Variants in IPCEF1 observed in about 807,000 individuals in gnomAD.
IPCEF1 encodes interactor protein for cytohesin exchange factors 1.
In IPCEF1, 31 loss-of-function variants were observed where a neutral mutation model predicts 50.9. That is an observed-to-expected ratio of 0.61 (90% confidence interval 0.46 to 0.82). The LOEUF (loss-of-function observed/expected upper bound fraction) is 0.82, where lower values mean the gene tolerates loss of function less well. Among genes scored for constraint, IPCEF1 ranks in the 40% least tolerant of loss-of-function variants. The probability of loss-of-function intolerance (pLI) is 0.00; values close to 1 mark genes in which losing one functional copy is unlikely to be tolerated. For synonymous variants in IPCEF1, 181 were observed against 192.0 expected (o/e 0.94, Z 0.47); for missense variants, 458 against 514.0 (o/e 0.89, Z 1.05).
Position 154,246,722 on chromosome 6 carries a change from C to G in IPCEF1, c.115G>C (p.Asp39His). ...CCTTGGCAGTCAGCATGGCCCAGAT[C>G]TTTACACGATATCCTCCTCCGACTC... ...TMSRRRISCKDLGHADCQGWL... is the reference protein window; with the variant it reads ...TMSRRRISCKHLGHADCQGWL... The change falls in exon 5 of 12, where the codon GAT becomes CAT. Residue 39 changes from aspartate (D) to histidine (H), a missense_variant. Transcript: ENST00000367220. The G allele has an allele frequency of 6.2e-7, 1 of 1,614,062 alleles. No individual in the cohort carries two copies. Among genetic ancestry groups the G allele is most frequent in the Non-Finnish European group, 8.5e-7 (1 of 1,179,972 alleles).
At chr6:154,322,886 G>A (rs1401550706) in intron 1 of IPCEF1, among the ~76,000 whole-genome samples, 5 of 151,476 alleles carry the variant, frequency 3.3e-5, no homozygotes, top group East Asian at 1.9e-4. Flanking sequence ...TACTTTAAAC[G>A]CAATTTTTAA....
In IPCEF1 at chr6:154,168,112, T is replaced by C; in HGVS notation, c.912A>G (p.Glu304=). ...CATCATCTTCAGACACTTTTGTCTC[T>C]TCTATTTGAAAAAAAAAAAGAAAGC... ...KPAGSKIMDK[E]ETKVSEDDEM... Residue 304 remains glutamate, a splice_region_variant and synonymous_variant, in exon 11 of 12, where the codon GAA becomes GAG. Coordinates refer to ENST00000367220, the MANE Select transcript of IPCEF1 (RefSeq NM_001130700.2). The surrounding 1 kb of genome is among the most constrained non-coding windows in gnomAD (Gnocchi z 4.1). 3 of 1,528,150 alleles carry C rather than the reference T, an allele frequency of 2.0e-6. No homozygotes were observed. The highest frequency in any genetic ancestry group is 2.7e-6 in the Non-Finnish European group (3 of 1,131,074). The allele number at this position is 1,528,150 out of a possible 1,614,324, so 94.7% of individuals were successfully genotyped here. A position where few individuals can be genotyped will look rare whatever the true frequency, so the allele number is the denominator to read the frequency against.
At chr6:154,242,682 T>A (rs1422578378) in intron 5 of IPCEF1, among the ~76,000 whole-genome samples, 7 of 151,474 alleles carry the variant, frequency 4.6e-5, no homozygotes. Context: ...AGGTCAGGAG[T>A]TCGAGACTAG....
At chr6:154,283,646 A>G (rs193121056) in intron 2 of IPCEF1, among the ~76,000 whole-genome samples, 40 of 152,340 alleles carry the variant, frequency 2.6e-4, no homozygotes, top group Admixed American at 2.2e-3. Context: ...ACATTTGAAT[A>G]TGTCTTGTGA....
At chr6:154,326,803 A>C (rs976112532) in intron 1 of IPCEF1, among the ~76,000 whole-genome samples, 1 of 152,148 alleles carries the variant, frequency 6.6e-6, no homozygotes, top group Non-Finnish European at 1.5e-5. Context: ...TATGTTACCC[A>C]ACTTCAAACT....
intron 10 of IPCEF1, among the ~76,000 whole-genome samples, chr6:154,180,416 T>TATATATATATA (rs1562526757): frequency 2.0e-5 from 1 of 51,094 alleles, no homozygotes; most frequent in Non-Finnish European, 4.0e-5. Context: ...ATATATATAT[T>TATATATATATA]TTTTTTTTAA....
chr6:154,310,863 T>G (rs543935878), intron 1 of IPCEF1, among the ~76,000 whole-genome samples: 2,379 of 151,920 alleles, frequency 0.016, 37 homozygotes, highest in South Asian at 0.025. Context: ...TGGGGAAGGG[T>G]TGGGGAAAGG....
At chr6:154,296,703 C>T (rs1782669373) in intron 1 of IPCEF1, among the ~76,000 whole-genome samples, 1 of 151,936 alleles carries the variant, frequency 6.6e-6, no homozygotes, top group African/African-American at 2.4e-5. Flanking sequence ...GTGGCGGGCG[C>T]CTGTAGTCCC....
At position 154,223,011 on chromosome 6, in the gene IPCEF1, G is replaced by A. The variant is rs891604008; in HGVS notation, c.320+159C>T. 2.1e-5 allele frequency: 13 copies of A among 633,818 alleles called. No individual in the cohort carries two copies. The African/African-American group carries it at 2.4e-4, about 12-fold the overall frequency. The allele number at this position is 633,818 out of a possible 1,614,324, so 39.3% of individuals were successfully genotyped here. ...AATTCCAGAAAATGAGAGGTTAAAT[G>A]CTTCTATTTCTATGTAGGGTGCCAA... is the stretch of plus-strand genomic sequence containing the variant. On this transcript the variant is annotated intron_variant, in intron 6 of 11. Transcript: ENST00000367220.
At chr6:154,348,760 C>T (rs568139034) in intron 1 of IPCEF1, among the ~76,000 whole-genome samples, 1 of 152,272 alleles carries the variant, frequency 6.6e-6, no homozygotes, top group South Asian at 2.1e-4. Context: ...AAATGACTTG[C>T]ACTCCCAGCG....
At chr6:154,351,603 C>G (rs1784121041) in intron 1 of IPCEF1, among the ~76,000 whole-genome samples, 1 of 152,164 alleles carries the variant, frequency 6.6e-6, no homozygotes, top group Admixed American at 6.5e-5. Context: ...ATAACAAAAC[C>G]TTTAACATAA....
chr6:154,351,899 G>C (rs896645052), intron 1 of IPCEF1, among the ~76,000 whole-genome samples: 1 of 152,304 alleles, frequency 6.6e-6, no homozygotes, highest in East Asian at 1.9e-4. Context: ...ACCAAATACC[G>C]CATGTTCTCA....
intron 1 of IPCEF1, among the ~76,000 whole-genome samples, chr6:154,349,370 T>C (rs1291082148): frequency 6.7e-6 from 1 of 149,078 alleles, no homozygotes. Flanking sequence ...TTTATTTTAT[T>C]TTATTTTATT....
In IPCEF1 at chr6:154,160,124, G is replaced by A. The variant is rs944264937; in HGVS notation, c.1105-84C>T. 19 of 1,016,200 alleles carry A rather than the reference G, an allele frequency of 1.9e-5. No individual in the cohort carries two copies. The African/African-American group carries it at 2.9e-4, about 16-fold the overall frequency. The allele number at this position is 1,016,200 out of a possible 1,614,324, so 62.9% of individuals were successfully genotyped here. A position where few individuals can be genotyped will look rare whatever the true frequency, so the allele number is the denominator to read the frequency against. On this transcript the variant is annotated intron_variant, in intron 11 of 11. Coordinates refer to ENST00000367220, the MANE Select transcript of IPCEF1 (RefSeq NM_001130700.2). ...ACCATCTTTACCAACTCTTTTACAA[G>A]TACACATATACATAAAATTACCAAA...
intron 9 of IPCEF1, 84 bp downstream of exon 9, chr6:154,212,686 G>C (rs1778062477): frequency 1.1e-6 from 1 of 890,882 alleles, no homozygotes; most frequent in African/African-American, 1.7e-5. Flanking sequence ...AAATTTATTG[G>C]TCAAGCTACT....
At chr6:154,335,061 A>G (rs945754756) in intron 1 of IPCEF1, among the ~76,000 whole-genome samples, 3 of 152,126 alleles carry the variant, frequency 2.0e-5, no homozygotes, top group Admixed American at 6.6e-5. Flanking sequence ...AGATAATGTC[A>G]CAGTATTTTG....
At chr6:154,255,739 A>G (rs2128648294) in intron 3 of IPCEF1, among the ~76,000 whole-genome samples, 1 of 152,170 alleles carries the variant, frequency 6.6e-6, no homozygotes, top group African/African-American at 2.4e-5. Context: ...CTTATGTCTT[A>G]TATCAGTTTT....
chr6:154,160,792 G>A (rs1372617482), intron 11 of IPCEF1, among the ~76,000 whole-genome samples: 1 of 152,166 alleles, frequency 6.6e-6, no homozygotes, highest in African/African-American at 2.4e-5. Flanking sequence ...ATCTATGCCT[G>A]TTTTCTCCAT....
At position 154,156,583 on chromosome 6, in the gene IPCEF1, T is replaced by A. The variant is rs1583665572; in HGVS notation, c.*3245A>T. 1.3e-5 allele frequency: 2 copies of A among 152,296 alleles called. No individual in the cohort carries two copies. Among genetic ancestry groups the A allele is most frequent in the South Asian group, 4.1e-4 (2 of 4,828 alleles). The allele number at this position is 152,296 out of a possible 1,614,324, so 9.4% of individuals were successfully genotyped here. A position where few individuals can be genotyped will look rare whatever the true frequency, so the allele number is the denominator to read the frequency against. On this transcript the variant is annotated 3_prime_UTR_variant, in exon 12 of 12. Transcript: ENST00000367220. ...ACACACCAATTTGCAAACTACAAAGTGCTGTGTAAATGTAAGGCATGGGTT... is the reference window on the plus strand; with the variant it reads ...ACACACCAATTTGCAAACTACAAAGAGCTGTGTAAATGTAAGGCATGGGTT...
Sources: allele counts gnomAD v4.1 joint callset (sites outside exome capture counted in the v4.1 genomes callset), GRCh38; gene constraint gnomAD v4.1.1; non-coding constraint Gnocchi (gnomAD v3.1); transcripts MANE v1.5; gene names NCBI Gene and HGNC (gene_info 2026-07-23, HGNC 2026-07-21).